The following NRXN3 variants were observed in gnomAD, a reference collection of about 807,000 sequenced individuals.
NRXN3 encodes neurexin III.
A neutral mutation model predicts 137.6 loss-of-function variants in NRXN3; 32 were observed. The ratio of observed to expected loss-of-function variants is 0.23; its 90% CI spans 0.18 to 0.31. NRXN3 has a LOEUF of 0.31. NRXN3 is among the 10% of genes least tolerant of loss of function. The probability of loss-of-function intolerance (pLI) is 1.00; values close to 1 mark genes in which losing one functional copy is unlikely to be tolerated. For missense variants in NRXN3, 1,574 were observed against 2,062.5 expected, an observed-to-expected ratio of 0.76 and a Z score of 4.59; for synonymous variants, 798 against 784.5, an observed-to-expected ratio of 1.02 and a Z score of -0.29.
chr14:78,944,993 G>A (rs12588364), intron 10 of NRXN3, among the ~76,000 whole-genome samples: 13,745 of 152,152 alleles, frequency 0.09, 1,288 homozygotes, highest in East Asian at 0.43. Context: ...CCTAAATGAT[G>A]CCTTAACAGC....
chr14:78,569,016 G>A (rs2096863530), intron 4 of NRXN3, among the ~76,000 whole-genome samples: 1 of 141,840 alleles, frequency 7.1e-6, no homozygotes, highest in Admixed American at 7.5e-5. Context: ...CACCCAGGCT[G>A]GAGTGCAGTG....
At chr14:78,914,777 G>A (rs1005577844) in intron 10 of NRXN3, among the ~76,000 whole-genome samples, 2 of 152,130 alleles carry the variant, frequency 1.3e-5, no homozygotes, top group Non-Finnish European at 2.9e-5. Context: ...GGGAAGAAGA[G>A]TGACACGATC....
chr14:79,711,858 C>A (rs1284156208), intron 19 of NRXN3, among the ~76,000 whole-genome samples: 2 of 152,122 alleles, frequency 1.3e-5, no homozygotes, highest in Non-Finnish European at 1.5e-5. Context: ...GATGATGGAG[C>A]TGGGGGGATC....
intron 15 of NRXN3, among the ~76,000 whole-genome samples, chr14:79,404,701 G>A (rs943448542): frequency 6.6e-6 from 1 of 152,056 alleles, no homozygotes; most frequent in African/African-American, 2.4e-5. Context: ...AAAATATGAG[G>A]CAAGAACATA....
In NRXN3 at chr14:79,646,539, AG is replaced by A. The variant is rs1458234319; in HGVS notation, c.3445-17237del. ...TGGTAGTTGCGAGCTGGTTATTCAG[AG>A]GCAGCTACTGTGCTCCACATAACCA... On this transcript the variant is annotated intron_variant, in intron 16 of 20. Coordinates refer to ENST00000335750, the MANE Select transcript of NRXN3 (RefSeq NM_001330195.2). Among the ~76,000 whole-genome samples the A allele has an allele frequency of 6.4e-4, 87 of 135,816 alleles. 3 individuals are homozygous for A. Among genetic ancestry groups the A allele is most frequent in the African/African-American group, 2.1e-3 (84 of 40,886 alleles). 89.1% of individuals were successfully genotyped at this position (135,816 alleles called of 152,430 possible).
intron 16 of NRXN3, among the ~76,000 whole-genome samples, chr14:79,488,792 A>G (rs2096682404): frequency 6.6e-6 from 1 of 152,186 alleles, no homozygotes; most frequent in Admixed American, 6.5e-5. Flanking sequence ...GGGCAGGGGT[A>G]GATTTAGGGA....
intron 19 of NRXN3, among the ~76,000 whole-genome samples, chr14:79,796,724 G>A (rs533601166): frequency 6.6e-5 from 10 of 152,202 alleles, no homozygotes; most frequent in Admixed American, 3.9e-4. Flanking sequence ...TATAAGTCAC[G>A]TCATTCTTTA....
At chr14:79,461,061 T>C (rs571616460) in intron 15 of NRXN3, among the ~76,000 whole-genome samples, 80 of 152,340 alleles carry the variant, frequency 5.3e-4, no homozygotes, top group African/African-American at 1.9e-3. Flanking sequence ...ATTTACCCTG[T>C]ACTCCCTAGT....
intron 15 of NRXN3, among the ~76,000 whole-genome samples, chr14:79,227,548 C>T (rs2071163025): frequency 6.6e-6 from 1 of 152,010 alleles, no homozygotes; most frequent in Non-Finnish European, 1.5e-5. Flanking sequence ...TATGTTATTT[C>T]TGTGCATGTT....
intron 15 of NRXN3, among the ~76,000 whole-genome samples, chr14:79,139,618 A>G (rs934508837): frequency 6.6e-6 from 1 of 152,086 alleles, no homozygotes; most frequent in South Asian, 2.1e-4. Context: ...AAAGCCCTAC[A>G]TTGACCATAT....
intron 16 of NRXN3, among the ~76,000 whole-genome samples, chr14:79,603,896 CTTA>C (rs111763828): frequency 1.3e-5 from 2 of 151,856 alleles, no homozygotes; most frequent in African/African-American, 2.4e-5. Flanking sequence ...GAACAATCTT[CTTA>C]TTATTTGAGA....
chr14:78,251,398 C>G (rs1462098862), intron 2 of NRXN3, among the ~76,000 whole-genome samples: 1 of 152,170 alleles, frequency 6.6e-6, no homozygotes, highest in Non-Finnish European at 1.5e-5. Flanking sequence ...TTGCACGGGT[C>G]CCTTCTAAGT....
chr14:79,087,847 T>C (rs1163858300), intron 15 of NRXN3, among the ~76,000 whole-genome samples: 1 of 152,200 alleles, frequency 6.6e-6, no homozygotes, highest in African/African-American at 2.4e-5. Flanking sequence ...AGAACTTACC[T>C]GGAAGAGTCC....
intron 9 of NRXN3, among the ~76,000 whole-genome samples, chr14:78,806,246 C>T (rs1414927899): frequency 6.6e-6 from 1 of 152,056 alleles, no homozygotes; most frequent in African/African-American, 2.4e-5. Context: ...ACTTTCTTTC[C>T]AACCTGACAT....
At chr14:79,805,055 ATCTC>A (rs913746914) in intron 19 of NRXN3, 53 bp from the exon 20 acceptor site, 70 of 1,198,238 alleles carry the variant, frequency 5.8e-5, no homozygotes, top group Non-Finnish European at 7.2e-5. Context: ...TAGTTTCCTT[ATCTC>A]TCTCTCTTCT....
chr14:78,317,398 G>T (rs958164402), intron 4 of NRXN3, among the ~76,000 whole-genome samples: 4 of 152,164 alleles, frequency 2.6e-5, no homozygotes, highest in African/African-American at 9.7e-5. Flanking sequence ...TCTCATAGGA[G>T]TGCAAACCTT....
At chr14:79,105,053 T>G (rs2152857664) in intron 15 of NRXN3, among the ~76,000 whole-genome samples, 1 of 152,230 alleles carries the variant, frequency 6.6e-6, no homozygotes, top group East Asian at 1.9e-4. Flanking sequence ...ATTTCTTGCT[T>G]AAGTAATATG....
chr14:79,233,296 G>T (rs112728635), intron 15 of NRXN3, among the ~76,000 whole-genome samples: 1 of 152,086 alleles, frequency 6.6e-6, no homozygotes, highest in African/African-American at 2.4e-5. Context: ...CAAACATGTG[G>T]TGGGAGTCAA....
intron 19 of NRXN3, among the ~76,000 whole-genome samples, chr14:79,782,349 C>T (rs905358414): frequency 6.6e-6 from 1 of 152,120 alleles, no homozygotes; most frequent in Non-Finnish European, 1.5e-5. Context: ...GTCAAGGGAC[C>T]TGAGCTTGGT....
Sources: gnomAD v4.1 joint callset for allele counts (sites outside exome capture counted in the v4.1 genomes callset) on GRCh38, gnomAD v4.1.1 for gene constraint, MANE v1.5 for transcripts, NCBI Gene and HGNC (gene_info 2026-07-23, HGNC 2026-07-21) for gene names.